Variants in HSPA12A observed in about 807,000 individuals in gnomAD.
HSPA12A encodes heat shock 70 kDa protein 12A.
A neutral mutation model predicts 69.2 loss-of-function variants in HSPA12A; 28 were observed. That is an observed-to-expected ratio of 0.40 (90% CI 0.30 to 0.55). HSPA12A has a LOEUF of 0.55. Ranked by LOEUF, HSPA12A falls within the 20% of genes least tolerant of loss-of-function variation. HSPA12A has a pLI of 0.38. For synonymous variants in HSPA12A, 345 were observed against 370.5 expected (o/e 0.93, Z 0.79); for missense variants, 686 against 900.7 (o/e 0.76, Z 3.05).
In HSPA12A at chr10:116,673,007, A is replaced by G. The variant is rs1169960673; in HGVS notation, c.*1774T>C. 6.6e-6 allele frequency: 1 copy of G among 152,646 alleles called. No homozygotes were observed. The highest frequency in any genetic ancestry group is 6.5e-5 in the Admixed American group (1 of 15,282). 9.5% of individuals were successfully genotyped at this position (152,646 alleles called of 1,614,324 possible). A position where few individuals can be genotyped will look rare whatever the true frequency, so the allele number is the denominator to read the frequency against. ...AATGAAATGTGAAATGCTGTTTAAA[A>G]TCTGCATATTGGCTATGATAATGGG... On this transcript the variant is annotated 3_prime_UTR_variant, in exon 12 of 12. Coordinates refer to ENST00000369209, the MANE Select transcript of HSPA12A (RefSeq NM_025015.3).
intron 5 of HSPA12A, among the ~76,000 whole-genome samples, chr10:116,696,503 C>G (rs2921973): frequency 6.6e-6 from 1 of 151,960 alleles, no homozygotes; most frequent in East Asian, 1.9e-4. Flanking sequence ...TCGTCTTGCA[C>G]CATGATTGTG....
chr10:116,705,240 A>G lies in HSPA12A; in HGVS notation c.165T>C (p.Phe55=). ...TDSNVSEQQS[F]LVVVAVDFGT... ...CAAAGTCGACGGCCACCACCACGAG[A>G]AATGACTGCTGTTCTGAGACGTTGG... Residue 55 remains phenylalanine, a synonymous_variant, in exon 3 of 12, where the codon TTT becomes TTC. Transcript: ENST00000369209. 1 of 1,614,100 alleles carries G rather than the reference A, an allele frequency of 6.2e-7. No individual in the cohort carries two copies. The highest frequency in any genetic ancestry group is 1.6e-4 in the Middle Eastern group (1 of 6,062).
At position 116,710,894 on chromosome 10, in the gene HSPA12A, T is replaced by C. The variant is rs1257710250; in HGVS notation, c.41-3609A>G. On this transcript the variant is annotated intron_variant, in intron 1 of 11. Coordinates refer to ENST00000369209, the MANE Select transcript of HSPA12A (RefSeq NM_025015.3). This position sits in a 1 kb window ranked among gnomAD's most constrained non-coding sequence, Gnocchi z 4.1. ...GGATGTCAAAATGATGCTCAAAAAT[T>C]CTCAGGGGAAAAAAAACGGAAAAGC... is the stretch of plus-strand genomic sequence containing the variant. Among the ~76,000 whole-genome samples the C allele has an allele frequency of 6.6e-6, 1 of 152,144 alleles. No homozygotes were observed. Among genetic ancestry groups the C allele is most frequent in the Non-Finnish European group, 1.5e-5 (1 of 68,030 alleles).
intron 2 of HSPA12A, among the ~76,000 whole-genome samples, chr10:116,784,708 T>C (rs976078814): frequency 6.6e-6 from 1 of 152,236 alleles, no homozygotes; most frequent in African/African-American, 2.4e-5. Flanking sequence ...TGGGGACTTG[T>C]GCTTCCGGCC....
intron 2 of HSPA12A, among the ~76,000 whole-genome samples, chr10:116,796,863 C>A (rs1405845539): frequency 1.3e-5 from 2 of 149,930 alleles, no homozygotes. Flanking sequence ...TTCTTCACAT[C>A]AGAAAAATTT....
chr10:116,688,736 G>C (rs1173969819), intron 6 of HSPA12A, among the ~76,000 whole-genome samples: 1 of 152,256 alleles, frequency 6.6e-6, no homozygotes, highest in Non-Finnish European at 1.5e-5. Flanking sequence ...GCGTCTCCAT[G>C]TTAGATGAGA....
chr10:116,745,894 T>G (rs903205273), upstream of HSPA12A, among the ~76,000 whole-genome samples: 6 of 152,082 alleles, frequency 3.9e-5, no homozygotes, highest in Non-Finnish European at 5.9e-5. Context: ...CAAACTGAGA[T>G]ACAGAAAGGT....
chr10:116,819,929 C>T (rs1470213878), intron 2 of HSPA12A, among the ~76,000 whole-genome samples: 2 of 152,146 alleles, frequency 1.3e-5, no homozygotes, highest in Admixed American at 6.5e-5. Context: ...TGGGCTCAAG[C>T]AATCCTCCCA....
chr10:116,799,865 T>G (rs1475682613), intron 2 of HSPA12A, among the ~76,000 whole-genome samples: 2 of 152,236 alleles, frequency 1.3e-5, no homozygotes, highest in Non-Finnish European at 2.9e-5. Context: ...GGCCAGGCCC[T>G]GTTCCAGATG....
At chr10:116,842,291 G>A (rs1425206870) in intron 1 of HSPA12A, among the ~76,000 whole-genome samples, 1 of 152,036 alleles carries the variant, frequency 6.6e-6, no homozygotes, top group African/African-American at 2.4e-5. Flanking sequence ...ACATTTTTTT[G>A]CCATAACTTG....
chr10:116,726,542 C>G (rs1038981931), intron 1 of HSPA12A, among the ~76,000 whole-genome samples: 4 of 151,986 alleles, frequency 2.6e-5, no homozygotes, highest in African/African-American at 9.7e-5. Flanking sequence ...GTGAGTGCTC[C>G]CCAAAGGGTT....
At chr10:116,780,216 G>A (rs1342617332) in intron 2 of HSPA12A, among the ~76,000 whole-genome samples, 4 of 152,140 alleles carry the variant, frequency 2.6e-5, no homozygotes, top group Non-Finnish European at 5.9e-5. Context: ...GAGTTGGTGT[G>A]TCTTCCCTGT....
At chr10:116,752,062 G>A (rs1429641468) in intron 2 of HSPA12A, among the ~76,000 whole-genome samples, 1 of 152,178 alleles carries the variant, frequency 6.6e-6, no homozygotes, top group Admixed American at 6.5e-5. Flanking sequence ...GGACCGACAC[G>A]TATGCTCACT....
chr10:116,714,665 T>G (rs1196521151), intron 1 of HSPA12A, among the ~76,000 whole-genome samples: 1 of 152,176 alleles, frequency 6.6e-6, no homozygotes, highest in East Asian at 1.9e-4. Context: ...GGTCTTCCCC[T>G]GATGCCCATT....
chr10:116,812,314 A>G (rs1027178103), intron 2 of HSPA12A, among the ~76,000 whole-genome samples: 6 of 151,976 alleles, frequency 3.9e-5, no homozygotes, highest in Non-Finnish European at 5.9e-5. Context: ...TTAGCTGGGT[A>G]TGGTGGTGCG....
At chr10:116,748,266 A>T (rs1851695755) in intron 2 of HSPA12A, among the ~76,000 whole-genome samples, 1 of 152,234 alleles carries the variant, frequency 6.6e-6, no homozygotes, top group Non-Finnish European at 1.5e-5. Context: ...CCATGGTCAC[A>T]GTATTTGCCT....
At chr10:116,809,520 G>T (rs1845133022) in intron 2 of HSPA12A, among the ~76,000 whole-genome samples, 1 of 152,232 alleles carries the variant, frequency 6.6e-6, no homozygotes, top group Admixed American at 6.5e-5. Flanking sequence ...TTCCACGGGA[G>T]AGCCCAGTAG....
rs181642252 is a variant in HSPA12A at position 116,792,430 on chromosome 10, G to A, written c.91+42505C>T. Among the ~76,000 whole-genome samples, 123 of 151,892 alleles carry A rather than the reference G, an allele frequency of 8.1e-4. 1 individual carries two copies. The highest frequency in any genetic ancestry group is 2.8e-3 in the African/African-American group (117 of 41,412). ...GGGGTGAGAACCTTCCAGAACTAATGATAACTATCAACCCCTGGATTCAAA... is the reference window on the plus strand; with the variant it reads ...GGGGTGAGAACCTTCCAGAACTAATAATAACTATCAACCCCTGGATTCAAA... On this transcript the variant is annotated intron_variant, in intron 2 of 12. Coordinates refer to the HSPA12A transcript ENST00000635765.
At chr10:116,683,266 A>T (rs1229779731) in intron 7 of HSPA12A, among the ~76,000 whole-genome samples, 3 of 152,088 alleles carry the variant, frequency 2.0e-5, no homozygotes, top group Non-Finnish European at 2.9e-5. Context: ...AAAGCTTTTT[A>T]AAATCGCCAT....
Sources: gnomAD v4.1 joint callset for allele counts (sites outside exome capture counted in the v4.1 genomes callset) on GRCh38, gnomAD v4.1.1 for gene constraint, Gnocchi (gnomAD v3.1) non-coding constraint, MANE v1.5 for transcripts, NCBI Gene and HGNC (gene_info 2026-07-23, HGNC 2026-07-21) for gene names.